The following NARS2 variants were observed in gnomAD, a reference collection of about 807,000 sequenced individuals.
The protein encoded by NARS2 is asparaginyl-tRNA synthetase 2, mitochondrial.
NARS2 carries 60 observed loss-of-function variants against 62.9 expected under a neutral mutation model. The ratio of observed to expected loss-of-function variants is 0.95; its 90% confidence interval spans 0.77 to 1.18. The LOEUF is 1.18. Among genes scored for constraint, NARS2 ranks in the 50% most tolerant of loss-of-function variants. The pLI is 0.00. For synonymous variants in NARS2, 196 were observed against 200.0 expected, an observed-to-expected ratio of 0.98 and a Z score of 0.17; for missense variants, 619 against 576.4, an observed-to-expected ratio of 1.07 and a Z score of -0.76.
intron 5 of NARS2, among the ~76,000 whole-genome samples, chr11:78,557,709 AT>A (rs1206602888): frequency 6.6e-6 from 1 of 151,466 alleles, no homozygotes; most frequent in African/African-American, 2.4e-5. Context: ...TCAGAAATAC[AT>A]TTTTTTCCTC....
rs73506980 is a variant in NARS2, at chr11:78,545,884, T to C, written c.594+13655A>G. 5.4e-3 allele frequency among the ~76,000 whole-genome samples: 815 copies of C among 152,256 alleles called. 5 individuals carry two copies. The highest frequency in any genetic ancestry group is 0.019 in the African/African-American group (784 of 41,532). ...TTTTCAGTAAAGCTTTCCTTGACCA[T>C]CCAATTTAAACTAGAATCTCTCTCT... On this transcript the variant is annotated intron_variant, in intron 5 of 13. Transcript: ENST00000281038.
chr11:78,530,477 T>G lies in NARS2; in HGVS notation c.595-1541A>C, dbSNP rs112978403. ...AAAGTCTGGTCTTAATAATAAGATT[T>G]ATTTATTTATTTTTGAGACAGAGTC... On this transcript the variant is annotated intron_variant, in intron 5 of 13. Transcript: ENST00000281038. 5.4e-3 allele frequency among the ~76,000 whole-genome samples: 822 copies of G among 152,292 alleles called. 6 individuals carry two copies. Among genetic ancestry groups the G allele is most frequent in the African/African-American group, 0.019 (791 of 41,562 alleles).
chr11:78,492,457 C>T (rs1039422908), intron 7 of NARS2, among the ~76,000 whole-genome samples: 3 of 152,102 alleles, frequency 2.0e-5, no homozygotes, highest in Non-Finnish European at 4.4e-5. Flanking sequence ...AGAACTCTTG[C>T]TCCTTAAATT....
chr11:78,442,074 G>A (rs1409900108), intron 12 of NARS2, among the ~76,000 whole-genome samples: 3 of 152,258 alleles, frequency 2.0e-5, no homozygotes, highest in Non-Finnish European at 4.4e-5. Context: ...ACTTCATTAC[G>A]AAAGACAGAT....
At chr11:78,437,985 A>AAAAG (rs1857461551) in intron 13 of NARS2, among the ~76,000 whole-genome samples, 2 of 141,476 alleles carry the variant, frequency 1.4e-5, no homozygotes, top group African/African-American at 5.1e-5. Flanking sequence ...AAAAAAAAAA[A>AAAAG]AAAGAAAGAA....
At position 78,568,673 on chromosome 11, in the gene NARS2, T is replaced by G; in HGVS notation, c.331A>C (p.Lys111Gln). Residue 111 changes from lysine (K) to glutamine (Q), a missense_variant, in exon 3 of 14, where the codon AAG becomes CAG. Coordinates refer to ENST00000281038, the MANE Select transcript of NARS2 (RefSeq NM_024678.6). The stretch of plus-strand genomic sequence containing the variant: ...CCAATAACTTTAATTTTTTCTGCCT[T>G]CAGTTCCACATTTTGCCTTTTGGAT... ...SPSKRQNVEL[K>Q]AEKIKVIGNC... is the part of the protein sequence containing the mutation. The G allele has an allele frequency of 6.2e-7, 1 of 1,613,388 alleles. No individual in the cohort carries two copies. Among genetic ancestry groups the G allele is most frequent in the South Asian group, 1.1e-5 (1 of 90,986 alleles).
At chr11:78,485,403 A>G (rs528992784) in intron 7 of NARS2, among the ~76,000 whole-genome samples, 31 of 152,274 alleles carry the variant, frequency 2.0e-4, no homozygotes, top group Middle Eastern at 3.4e-3. Context: ...AAAGTAAAAA[A>G]AAACAAAAAA....
chr11:78,446,017 T>C (rs907679591), intron 11 of NARS2, among the ~76,000 whole-genome samples: 1 of 152,196 alleles, frequency 6.6e-6, no homozygotes, highest in African/African-American at 2.4e-5. Context: ...TTCCTGTCTT[T>C]TGGGCAGGTA....
At chr11:78,444,578 G>A (rs1228763157) in intron 11 of NARS2, among the ~76,000 whole-genome samples, 1 of 151,972 alleles carries the variant, frequency 6.6e-6, no homozygotes, top group African/African-American at 2.4e-5. Flanking sequence ...AATTAACTGG[G>A]CTTGGTGGTG....
intron 5 of NARS2, among the ~76,000 whole-genome samples, chr11:78,531,873 A>C (rs1173564584): frequency 6.6e-6 from 1 of 152,172 alleles, no homozygotes; most frequent in Non-Finnish European, 1.5e-5. Flanking sequence ...GTTTGTGTAG[A>C]GGGGAAAATG....
chr11:78,495,960 T>A (rs1314118341), intron 6 of NARS2, among the ~76,000 whole-genome samples: 1 of 152,184 alleles, frequency 6.6e-6, no homozygotes, highest in Non-Finnish European at 1.5e-5. Flanking sequence ...TTGCAGTGGT[T>A]AATGATTTTC....
intron 11 of NARS2, among the ~76,000 whole-genome samples, chr11:78,451,193 A>T (rs767183712): frequency 6.6e-6 from 1 of 152,220 alleles, no homozygotes; most frequent in Non-Finnish European, 1.5e-5. Flanking sequence ...GAATACACAG[A>T]GTGTACTTTC....
intron 11 of NARS2, among the ~76,000 whole-genome samples, chr11:78,447,930 T>C (rs1340404635): frequency 1.3e-5 from 2 of 152,168 alleles, no homozygotes; most frequent in African/African-American, 4.8e-5. Flanking sequence ...GAATGAGTTA[T>C]TAATCAAAAG....
chr11:78,495,476 A>C (rs1860019079), intron 6 of NARS2, among the ~76,000 whole-genome samples: 1 of 152,188 alleles, frequency 6.6e-6, no homozygotes, highest in East Asian at 1.9e-4. Context: ...TATTATATAG[A>C]ACATATCACT....
intron 6 of NARS2, among the ~76,000 whole-genome samples, chr11:78,500,606 G>A (rs1318751661): frequency 2.0e-5 from 3 of 152,014 alleles, no homozygotes; most frequent in Non-Finnish European, 4.4e-5. Flanking sequence ...CTTGAGTAGC[G>A]AGGACCACAA....
chr11:78,537,097 G>C (rs960115642), intron 5 of NARS2, among the ~76,000 whole-genome samples: 1 of 152,110 alleles, frequency 6.6e-6, no homozygotes, highest in Non-Finnish European at 1.5e-5. Flanking sequence ...CTCGGTTTGC[G>C]TAAGTACACT....
At chr11:78,533,143 C>T (rs1861540410) in intron 5 of NARS2, 1 of 152,188 alleles carries the variant, frequency 6.6e-6, no homozygotes, top group Admixed American at 6.5e-5. Context: ...GGAGCCCCAG[C>T]ACCAGCATGG....
chr11:78,531,808 T>C (rs1012569528), intron 5 of NARS2, among the ~76,000 whole-genome samples: 3 of 152,170 alleles, frequency 2.0e-5, no homozygotes, highest in African/African-American at 7.2e-5. Flanking sequence ...TGATTACATT[T>C]ATATGAAACA....
intron 5 of NARS2, among the ~76,000 whole-genome samples, chr11:78,532,060 G>T (rs1861500176): frequency 6.6e-6 from 1 of 152,076 alleles, no homozygotes; most frequent in Non-Finnish European, 1.5e-5. Context: ...AGTAATTATT[G>T]AATCTTAGTA....
Sources: gnomAD v4.1 joint callset for allele counts (sites outside exome capture counted in the v4.1 genomes callset) on GRCh38, gnomAD v4.1.1 for gene constraint, MANE v1.5 for transcripts, NCBI Gene and HGNC (gene_info 2026-07-23, HGNC 2026-07-21) for gene names.